The following TREML4 variants were observed in gnomAD, a reference collection of about 807,000 sequenced individuals.
TREML4 encodes triggering receptor expressed on myeloid cells like 4, also known as trem-like transcript 4 protein.
TREML4 carries 25 observed loss-of-function variants against 25.4 expected under a neutral mutation model. That is an observed-to-expected ratio of 0.98 (90% CI 0.72 to 1.37). The LOEUF is 1.37. Among genes scored for constraint, TREML4 ranks in the 40% most tolerant of loss-of-function variants. The pLI is 0.00. For missense variants in TREML4, 268 were observed against 236.5 expected, an observed-to-expected ratio of 1.13 and a Z score of -0.87; for synonymous variants, 92 against 87.9, an observed-to-expected ratio of 1.05 and a Z score of -0.26.
At chr6:41,229,709 CT>C in intron 3 of TREML4, 138 bp downstream of exon 3, 1 of 853,416 alleles carries the variant, frequency 1.2e-6, no homozygotes, top group South Asian at 1.3e-5. Flanking sequence ...GGGAAGCTAC[CT>C]TCAGGGCCCA....
chr6:41,229,414 C>G, intron 2 of TREML4, 107 bp from the exon 3 acceptor site: 1 of 1,202,290 alleles, frequency 8.3e-7, no homozygotes, highest in East Asian at 2.3e-5. Flanking sequence ...TGGCTTAAGA[C>G]ATCCTGAGGG....
chr6:41,236,593 T>C lies in TREML4; in HGVS notation c.*11T>C, dbSNP rs1156427563. 1.2e-6 allele frequency: 2 copies of C among 1,608,480 alleles called. No individual in the cohort carries two copies. Among genetic ancestry groups the C allele is most frequent in the East Asian group, 2.2e-5 (1 of 44,816 alleles). On this transcript the variant is annotated 3_prime_UTR_variant, in exon 5 of 6. Coordinates refer to ENST00000341495, the MANE Select transcript of TREML4 (RefSeq NM_198153.3). ...GGCCTGATGTTGTGAGTCCTGTTAG[T>C]GCTCCTGATCTGCAGGTGCCACAGG...
Position 41,229,903 on chromosome 6 carries a change from G to A in TREML4, c.446-159G>A, listed in dbSNP as rs76567692. 5.1e-3 allele frequency among the ~76,000 whole-genome samples: 778 copies of A among 152,266 alleles called. 5 individuals are homozygous for A. Among genetic ancestry groups the A allele is most frequent in the African/African-American group, 0.018 (746 of 41,544 alleles). ...GAGGACAGTGCCAGACTTGACTTCAGCTGGTTATGGAGATCTCAGGCCTCA... is the reference window on the plus strand; with the variant it reads ...GAGGACAGTGCCAGACTTGACTTCAACTGGTTATGGAGATCTCAGGCCTCA... On this transcript the variant is annotated intron_variant, in intron 3 of 5. Transcript: ENST00000341495.
At chr6:41,229,817 A>G (rs987455376) in intron 3 of TREML4, among the ~76,000 whole-genome samples, 1 of 152,130 alleles carries the variant, frequency 6.6e-6, no homozygotes, top group African/African-American at 2.4e-5. Flanking sequence ...GGAAGTCCAT[A>G]TGGAACACCT....
chr6:41,238,187 T>C lies in TREML4; in HGVS notation c.*1168T>C, dbSNP rs2113946133. The C allele has an allele frequency of 6.6e-6, 1 of 152,372 alleles. No individual in the cohort carries two copies. Among genetic ancestry groups the C allele is most frequent in the Admixed American group, 6.5e-5 (1 of 15,308 alleles). The allele number at this position is 152,372 out of a possible 1,614,324, so 9.4% of individuals were successfully genotyped here. A position where few individuals can be genotyped will look rare whatever the true frequency, so the allele number is the denominator to read the frequency against. On this transcript the variant is annotated 3_prime_UTR_variant, in exon 6 of 6. Coordinates refer to ENST00000341495, the MANE Select transcript of TREML4 (RefSeq NM_198153.3). Reference sequence around the variant, plus strand: ...TCCTGCCACATGATCATCACCTATCTGTGAGAGGCATCGCTTTTGCTTTGT... The same window carrying C: ...TCCTGCCACATGATCATCACCTATCCGTGAGAGGCATCGCTTTTGCTTTGT...
At chr6:41,232,080 GAGAAA>G (rs1466458459) in intron 4 of TREML4, among the ~76,000 whole-genome samples, 3 of 152,214 alleles carry the variant, frequency 2.0e-5, no homozygotes, top group African/African-American at 4.8e-5. Flanking sequence ...AAGAACACTA[GAGAAA>G]AGAAGACAAT....
At position 41,229,418 on chromosome 6, in the gene TREML4, C is replaced by T. The variant is rs959252641; in HGVS notation, c.395-103C>T. The T allele has an allele frequency of 2.4e-6, 3 of 1,259,756 alleles. No homozygotes were observed. In the African/African-American group the frequency reaches 4.4e-5, roughly 19 times the overall value. The allele number at this position is 1,259,756 out of a possible 1,614,324, so 78.0% of individuals were successfully genotyped here. On this transcript the variant is annotated intron_variant, in intron 2 of 5. Transcript: ENST00000341495. ...CAGACCACTCCTGGCTTAAGACATC[C>T]TGAGGGTCTGGCTCTGGGCCCCTAC...
chr6:41,235,198 T>C (rs1463975163), intron 4 of TREML4, among the ~76,000 whole-genome samples: 1 of 152,090 alleles, frequency 6.6e-6, no homozygotes, highest in African/African-American at 2.4e-5. Context: ...AAAATGGAAG[T>C]AAGAACAGAT....
chr6:41,234,621 T>C (rs1390048325), intron 4 of TREML4, among the ~76,000 whole-genome samples: 2 of 151,916 alleles, frequency 1.3e-5, no homozygotes, highest in African/African-American at 2.4e-5. Context: ...TCTTGTTGTT[T>C]TAAATCCTAG....
chr6:41,232,404 A>T, intron 4 of TREML4: 1 of 412,966 alleles, frequency 2.4e-6, no homozygotes, highest in Non-Finnish European at 5.0e-6. Flanking sequence ...GAGAAAATAC[A>T]TTCATGGTCA....
At chr6:41,231,334 A>C (rs1340763701) in intron 4 of TREML4, among the ~76,000 whole-genome samples, 1 of 151,970 alleles carries the variant, frequency 6.6e-6, no homozygotes, top group Admixed American at 6.6e-5. Flanking sequence ...TCTCATTTTT[A>C]ACCCTCAATG....
chr6:41,229,937 T>C, intron 3 of TREML4, 125 bp from the exon 4 acceptor site: 1 of 804,972 alleles, frequency 1.2e-6, no homozygotes, highest in Non-Finnish European at 2.2e-6. Flanking sequence ...CAGTTACCCT[T>C]AGCCTGAGGG....
At chr6:41,228,665 C>A (rs781061262) in intron 1 of TREML4, 49 bp from the exon 2 acceptor site, 3 of 1,565,460 alleles carry the variant, frequency 1.9e-6, no homozygotes, top group Admixed American at 1.8e-5. Context: ...GAGGTTGGGT[C>A]CCTTCAGAGC....
Position 41,228,984 on chromosome 6 carries a change from T to G in TREML4, c.334T>G (p.Tyr112Asp), listed in dbSNP as rs574666748. 7.4e-6 allele frequency: 12 copies of G among 1,614,158 alleles called. No individual in the cohort carries two copies. In the African/African-American group the frequency reaches 9.3e-5, roughly 13 times the overall value. The change falls in exon 2 of 6, where the codon TAC becomes GAC. Residue 112 changes from tyrosine to aspartate, a missense_variant. Tyr to Asp is a radical substitution (Grantham distance 160). Coordinates refer to ENST00000341495, the MANE Select transcript of TREML4 (RefSeq NM_198153.3). ...CTCGGGATTCTACTGGTGTGGAATCTACAACGCTTCCGAAAACATCATCAC... is the reference window on the plus strand; with the variant it reads ...CTCGGGATTCTACTGGTGTGGAATCGACAACGCTTCCGAAAACATCATCAC... ...NDSGFYWCGI[Y>D]NASENIITVL... is the part of the protein sequence containing the mutation.
rs1356442394 is a variant in TREML4 at position 41,237,783 on chromosome 6, A to G, written c.*764A>G. 2 of 152,234 alleles carry G rather than the reference A, an allele frequency of 1.3e-5. No homozygotes were observed. The highest frequency in any genetic ancestry group is 2.9e-5 in the Non-Finnish European group (2 of 68,042). The allele number at this position is 152,234 out of a possible 1,614,324, so 9.4% of individuals were successfully genotyped here. A position where few individuals can be genotyped will look rare whatever the true frequency, so the allele number is the denominator to read the frequency against. On this transcript the variant is annotated 3_prime_UTR_variant, in exon 6 of 6. Coordinates refer to ENST00000341495, the MANE Select transcript of TREML4 (RefSeq NM_198153.3). ...AGTGGCCCAAAACAGGACCCAGAAC[A>G]TTCATCCGTAAATGGAATCTGATAA...
intron 4 of TREML4, among the ~76,000 whole-genome samples, chr6:41,231,342 A>G (rs1229735437): frequency 6.6e-6 from 1 of 151,526 alleles, no homozygotes; most frequent in Non-Finnish European, 1.5e-5. Flanking sequence ...TTAACCCTCA[A>G]TGGCTAGAGG....
chr6:41,228,516 G>A (rs759644559), intron 1 of TREML4, 26 bp downstream of exon 1: 60 of 1,606,698 alleles, frequency 3.7e-5, no homozygotes, highest in Non-Finnish European at 5.1e-6. Flanking sequence ...AGAGTGCAGG[G>A]GGTGTAAGGA....
Sources: gnomAD v4.1 joint callset for allele counts (sites outside exome capture counted in the v4.1 genomes callset) on GRCh38, gnomAD v4.1.1 for gene constraint, MANE v1.5 for transcripts, NCBI Gene and HGNC (gene_info 2026-07-23, HGNC 2026-07-21) for gene names.